Variants in ABR observed in about 807,000 individuals in gnomAD.
The protein encoded by ABR is ABR activator of RhoGEF and GTPase, also known as active breakpoint cluster region-related protein.
Under a neutral mutation model 107.2 loss-of-function variants are expected in ABR, and 35 were observed. That is an observed-to-expected ratio of 0.33 (90% CI 0.25 to 0.43). The LOEUF (loss-of-function observed/expected upper bound fraction) is 0.43. ABR is among the 20% of genes least tolerant of loss of function. The probability of loss-of-function intolerance (pLI) is 1.00; values close to 1 mark genes in which losing one functional copy is unlikely to be tolerated. For missense variants in ABR, 815 were observed against 1,115.2 expected, an observed-to-expected ratio of 0.73 and a Z score of 3.83; for synonymous variants, 498 against 462.0, an observed-to-expected ratio of 1.08 and a Z score of -1.00.
At chr17:1,058,114 AC>A in intron 11 of ABR, 69 bp from the exon 12 acceptor site, 1 of 934,828 alleles carries the variant, frequency 1.1e-6, no homozygotes, top group Non-Finnish European at 1.7e-6. Context: ...GATCCTGGGG[AC>A]CCCAACAAAG....
chr17:1,229,081 C>T (rs2043282360), exon 1 of ABR: 1 of 151,578 alleles, frequency 6.6e-6, no homozygotes, highest in Non-Finnish European at 1.5e-5. Flanking sequence ...TCGCGGGTCC[C>T]GAACCGGCAA....
intron 1 of ABR, among the ~76,000 whole-genome samples, chr17:1,203,759 C>A (rs984985939): frequency 6.6e-6 from 1 of 152,146 alleles, no homozygotes; most frequent in African/African-American, 2.4e-5. Context: ...GGCCTGCCTA[C>A]ACCCTGGGAA....
rs117343633 is a variant in ABR, at chr17:1,177,033, C to T, written c.61+2634G>A. 3.9e-3 allele frequency among the ~76,000 whole-genome samples: 591 copies of T among 152,204 alleles called. 2 individuals are homozygous for T. The highest frequency in any genetic ancestry group is 0.01 in the Middle Eastern group (3 of 294). On this transcript the variant is annotated intron_variant, in intron 1 of 22. Transcript: ENST00000302538. The stretch of plus-strand genomic sequence containing the variant: ...GAGTCATTCCCATCTCTAAGTCACA[C>T]TGCCACCCTGTGCCCTGGGTATACC...
intron 1 of ABR, among the ~76,000 whole-genome samples, chr17:1,159,854 C>T (rs928077312): frequency 2.0e-5 from 3 of 152,218 alleles, no homozygotes; most frequent in Non-Finnish European, 2.9e-5. Flanking sequence ...CGTGGGTCCA[C>T]GATGCTGAGG....
chr17:1,142,069 T>C (rs371104512), intron 1 of ABR, among the ~76,000 whole-genome samples: 1 of 151,944 alleles, frequency 6.6e-6, no homozygotes, highest in African/African-American at 2.4e-5. Context: ...GTTCATGACT[T>C]GAATCCTAAG....
chr17:1,187,682 G>A (rs2042338691), upstream of ABR, among the ~76,000 whole-genome samples: 1 of 152,022 alleles, frequency 6.6e-6, no homozygotes, highest in Non-Finnish European at 1.5e-5. Flanking sequence ...CTGAGGTCAG[G>A]AGTTCGAGAC....
intron 1 of ABR, among the ~76,000 whole-genome samples, chr17:1,225,655 A>C (rs9330551): frequency 0.15 from 23,159 of 152,070 alleles, 2,728 homozygotes; most frequent in African/African-American, 0.32. Flanking sequence ...CTGTCTCGAC[A>C]AAAAAGAAAA....
chr17:1,221,901 G>T (rs570885621), intron 1 of ABR, among the ~76,000 whole-genome samples: 1 of 152,136 alleles, frequency 6.6e-6, no homozygotes, highest in Non-Finnish European at 1.5e-5. Flanking sequence ...ACAGCGGTAA[G>T]TAAAAAAGGA....
intron 16 of ABR, among the ~76,000 whole-genome samples, chr17:1,044,941 A>C (rs1230032352): frequency 3.9e-5 from 6 of 152,274 alleles, no homozygotes; most frequent in Admixed American, 3.9e-4. Flanking sequence ...AAAGAATATA[A>C]AGTACTTTTA....
chr17:1,147,710 C>T (rs560360312), intron 1 of ABR, among the ~76,000 whole-genome samples: 1 of 152,226 alleles, frequency 6.6e-6, no homozygotes, highest in South Asian at 2.1e-4. Flanking sequence ...CACCCTGCTC[C>T]CACTCAGCCC....
intron 1 of ABR, among the ~76,000 whole-genome samples, chr17:1,141,847 C>A (rs2040300057): frequency 6.6e-6 from 1 of 152,020 alleles, no homozygotes; most frequent in African/African-American, 2.4e-5. Flanking sequence ...CAACCTCCAC[C>A]TCCCCGGTTC....
rs1046561860 is a variant in ABR, at chr17:1,014,501, T to C, written c.1792-1337A>G. On this transcript the variant is annotated intron_variant, in intron 16 of 22. Coordinates refer to ENST00000302538, the MANE Select transcript of ABR (RefSeq NM_021962.5). ...AAGAACACAGCTATAGGGCTAATAT[T>C]ACCCAATTTCAGGGCTTATTATATA... Among the ~76,000 whole-genome samples the C allele has an allele frequency of 5.3e-5, 8 of 151,472 alleles. No homozygotes were observed. The South Asian group carries it at 8.4e-4, about 16-fold the overall frequency.
Position 1,012,232 on chromosome 17 carries a change from G to A in ABR, c.1962-247C>T, listed in dbSNP as rs769597018. On this transcript the variant is annotated intron_variant, in intron 18 of 22. Coordinates refer to ENST00000302538, the MANE Select transcript of ABR (RefSeq NM_021962.5). ...CTTGGGAACTTGGGAAGGTAAGGCCGAGACTCTAGGGAAAGAACGTCCCCC... is the reference window on the plus strand; with the variant it reads ...CTTGGGAACTTGGGAAGGTAAGGCCAAGACTCTAGGGAAAGAACGTCCCCC... The A allele has an allele frequency of 7.1e-5, 49 of 688,034 alleles. 1 individual carries two copies. The highest frequency in any genetic ancestry group is 2.4e-4 in the South Asian group (16 of 66,746). 42.6% of individuals were successfully genotyped at this position (688,034 alleles called of 1,614,324 possible). A position where few individuals can be genotyped will look rare whatever the true frequency, so the allele number is the denominator to read the frequency against.
chr17:1,223,019 T>C (rs956144065), intron 1 of ABR, among the ~76,000 whole-genome samples: 1 of 151,982 alleles, frequency 6.6e-6, no homozygotes, highest in African/African-American at 2.4e-5. Flanking sequence ...CTGGACAACA[T>C]GGCGAAACCC....
At chr17:1,118,236 C>A (rs1179691518) in intron 2 of ABR, among the ~76,000 whole-genome samples, 1 of 96,832 alleles carries the variant, frequency 1.0e-5, no homozygotes, top group Non-Finnish European at 2.2e-5. Flanking sequence ...CAGCGTTAAC[C>A]CTGAGCCTGA....
intron 10 of ABR, among the ~76,000 whole-genome samples, chr17:1,065,758 T>G (rs2151142102): frequency 6.6e-6 from 1 of 150,592 alleles, no homozygotes; most frequent in East Asian, 1.9e-4. Flanking sequence ...TTTTTTTTTT[T>G]TTTTTTTGAG....
intron 3 of ABR, among the ~76,000 whole-genome samples, chr17:1,096,692 CGCCCCGGG>C (rs2037451530): frequency 6.9e-6 from 1 of 145,960 alleles, no homozygotes; most frequent in African/African-American, 2.5e-5. Flanking sequence ...GTGGGGAACC[CGCCCCGGG>C]AGGAGAGAGC....
At chr17:1,158,624 G>A (rs1460371991) in intron 1 of ABR, among the ~76,000 whole-genome samples, 1 of 151,812 alleles carries the variant, frequency 6.6e-6, no homozygotes, top group South Asian at 2.1e-4. Context: ...TTAGCCAGGC[G>A]TGATGGTGGG....
In ABR at chr17:1,085,335, G is replaced by C. The variant is rs1006130168; in HGVS notation, c.532-1708C>G. 3.2e-3 allele frequency among the ~76,000 whole-genome samples: 448 copies of C among 140,326 alleles called. 4 individuals are homozygous for C. The highest frequency in any genetic ancestry group is 0.011 in the African/African-American group (424 of 37,658). The allele number at this position is 140,326 out of a possible 152,430, so 92.1% of individuals were successfully genotyped here. On this transcript the variant is annotated intron_variant, in intron 4 of 22. Transcript: ENST00000302538. ...GTTTCACCATGTTAGCCAGGATGGTGTCGATCTCCTGACCTCGTGATCCAC... is the reference window on the plus strand; with the variant it reads ...GTTTCACCATGTTAGCCAGGATGGTCTCGATCTCCTGACCTCGTGATCCAC...
Sources: gnomAD v4.1 joint callset for allele counts (sites outside exome capture counted in the v4.1 genomes callset) on GRCh38, gnomAD v4.1.1 for gene constraint, MANE v1.5 for transcripts, NCBI Gene and HGNC (gene_info 2026-07-23, HGNC 2026-07-21) for gene names.